C10orf67: variants seen among roughly 807,000 people sequenced by gnomAD.
C10orf67 encodes the protein chromosome 10 open reading frame 67.
C10orf67 carries 60 observed loss-of-function variants against 35.6 expected under a neutral mutation model. The ratio of observed to expected loss-of-function variants is 1.68; its 90% CI spans 1.37 to 2.09. C10orf67 has a LOEUF of 2.09. Ranked by LOEUF, C10orf67 falls within the 30% of genes most tolerant of loss-of-function variation. The pLI, the probability that C10orf67 is intolerant of heterozygous loss-of-function variation, is 0.00. For missense variants in C10orf67, 474 were observed against 330.2 expected (o/e 1.44, Z -3.38); for synonymous variants, 167 against 115.8 (o/e 1.44, Z -2.84).
chr10:23,301,184 A>G lies in C10orf67; in HGVS notation c.702+2120T>C, dbSNP rs59124894. ...GTGCACGCATGGGCGACTGTTGAGT[A>G]GAAACTTCTGGCTGTGCCATGATCT... On this transcript the variant is annotated intron_variant, in intron 5 of 15. Coordinates refer to ENST00000636213, the MANE Select transcript of C10orf67 (RefSeq NM_001371909.1). Among the ~76,000 whole-genome samples, 686 of 152,332 alleles carry G rather than the reference A, an allele frequency of 4.5e-3. 8 individuals are homozygous for G. The highest frequency in any genetic ancestry group is 0.016 in the African/African-American group (662 of 41,580).
At chr10:23,302,211 ATAT>A (rs1346927166) in intron 5 of C10orf67, among the ~76,000 whole-genome samples, 4 of 150,954 alleles carry the variant, frequency 2.6e-5, no homozygotes, top group African/African-American at 7.3e-5. Context: ...ATAATATATC[ATAT>A]TATAATATAT....
chr10:23,293,130 AAAG>A (rs558671540), intron 5 of C10orf67, among the ~76,000 whole-genome samples: 118 of 152,346 alleles, frequency 7.7e-4, no homozygotes, highest in African/African-American at 2.7e-3. Context: ...CTCATAAACT[AAAG>A]AAGAACTATT....
intron 4 of C10orf67, chr10:23,318,404 T>C (rs1003896095): frequency 2.0e-5 from 3 of 153,404 alleles, no homozygotes; most frequent in African/African-American, 4.8e-5. Context: ...TTTGTCAGCA[T>C]GGTAGCTCAA....
intron 8 of C10orf67, among the ~76,000 whole-genome samples, chr10:23,273,111 T>A (rs1294234377): frequency 6.6e-6 from 1 of 152,216 alleles, no homozygotes; most frequent in Non-Finnish European, 1.5e-5. Flanking sequence ...ATAGAGATGA[T>A]CATGTCGTCT....
intron 2 of C10orf67, among the ~76,000 whole-genome samples, chr10:23,322,922 C>T (rs1371549471): frequency 6.6e-6 from 1 of 151,838 alleles, no homozygotes; most frequent in Non-Finnish European, 1.5e-5. Flanking sequence ...GTAAAAATTC[C>T]AATTCATTCT....
Position 23,333,071 on chromosome 10 carries a change from C to A in C10orf67, c.318G>T (p.Lys106Asn). The A allele has an allele frequency of 6.2e-7, 1 of 1,612,038 alleles. No individual in the cohort carries two copies. Among genetic ancestry groups the A allele is most frequent in the Non-Finnish European group, 8.5e-7 (1 of 1,179,254 alleles). The change falls in exon 2 of 16, where the codon AAG (lysine) becomes AAT (asparagine). Residue 106 changes from lysine (K) to asparagine (N), a missense_variant. Transcript: ENST00000636213. ...ACAAATTCAGATTTACCTGTGCTAA[C>A]TTTTGCGTAGATGAACTCAATTCTT... ...SVKELSSSTQ[K>N]LAQMMKSLQV...
chr10:23,212,511 T>A (rs1291885100), intron 15 of C10orf67, among the ~76,000 whole-genome samples: 1 of 152,130 alleles, frequency 6.6e-6, no homozygotes, highest in African/African-American at 2.4e-5. Context: ...GAAGCTTTAA[T>A]GAAAGAAAGT....
intron 15 of C10orf67, among the ~76,000 whole-genome samples, chr10:23,207,804 T>C (rs1841196772): frequency 1.3e-5 from 2 of 152,218 alleles, no homozygotes; most frequent in Non-Finnish European, 2.9e-5. Flanking sequence ...TTCACTCTTC[T>C]GAGGCCAATT....
chr10:23,279,445 A>G (rs1346306289), intron 8 of C10orf67, among the ~76,000 whole-genome samples: 4 of 152,238 alleles, frequency 2.6e-5, no homozygotes, highest in African/African-American at 4.8e-5. Context: ...CTCGGAGGGA[A>G]CGCAGGTGTC....
chr10:23,236,304 G>A (rs899016875), intron 13 of C10orf67, among the ~76,000 whole-genome samples: 1 of 148,384 alleles, frequency 6.7e-6, no homozygotes, highest in Non-Finnish European at 1.5e-5. Context: ...GTGGTGGCGG[G>A]TGCCTGTAAT....
At chr10:23,259,905 G>T (rs899989030) in intron 10 of C10orf67, among the ~76,000 whole-genome samples, 28 of 152,106 alleles carry the variant, frequency 1.8e-4, no homozygotes, top group South Asian at 2.1e-4. Flanking sequence ...ACTTTAATGA[G>T]CTGAGCATGT....
At chr10:23,258,144 C>T (rs1842653518) in intron 10 of C10orf67, 1 of 152,808 alleles carries the variant, frequency 6.5e-6, no homozygotes, top group South Asian at 2.0e-4. Context: ...CATTGCCAAC[C>T]ATGGGCGAGC....
chr10:23,302,465 T>A (rs1477701050), intron 5 of C10orf67, among the ~76,000 whole-genome samples: 1 of 152,164 alleles, frequency 6.6e-6, no homozygotes, highest in Non-Finnish European at 1.5e-5. Context: ...ACTGTGAGAA[T>A]GAGAAGAGAT....
chr10:23,280,523 T>C (rs1186184964), intron 8 of C10orf67, among the ~76,000 whole-genome samples: 1 of 152,148 alleles, frequency 6.6e-6, no homozygotes. Flanking sequence ...AGGTATGCAA[T>C]GGAAACCTCC....
chr10:23,216,343 A>G (rs1841429325), intron 15 of C10orf67, among the ~76,000 whole-genome samples: 1 of 152,214 alleles, frequency 6.6e-6, no homozygotes, highest in African/African-American at 2.4e-5. Flanking sequence ...AGCAAAAATT[A>G]AAAATATGGC....
intron 4 of C10orf67, among the ~76,000 whole-genome samples, chr10:23,309,059 A>G (rs941457637): frequency 1.3e-5 from 2 of 151,892 alleles, no homozygotes; most frequent in African/African-American, 4.8e-5. Context: ...GGTTTATTTT[A>G]CTCTTAAAAA....
intron 5 of C10orf67, 119 bp from the exon 6 acceptor site, chr10:23,291,398 T>TA: frequency 1.7e-6 from 1 of 589,324 alleles, no homozygotes; most frequent in Non-Finnish European, 3.0e-6. Context: ...ATTACACACT[T>TA]ATAAGAATAG....
rs917810639 is a variant in C10orf67, at chr10:23,203,251, A to T, written c.*922T>A. The T allele has an allele frequency of 6.6e-5, 10 of 152,256 alleles. No homozygotes were observed. Among genetic ancestry groups the T allele is most frequent in the African/African-American group, 2.4e-4 (10 of 41,474 alleles). The allele number at this position is 152,256 out of a possible 1,614,324, so 9.4% of individuals were successfully genotyped here. On this transcript the variant is annotated 3_prime_UTR_variant, in exon 16 of 16. Coordinates refer to ENST00000636213, the MANE Select transcript of C10orf67 (RefSeq NM_001371909.1). Reference sequence around the variant, plus strand: ...AGATGAAGCTCGAATAACGCTCCACAGCGCTATACCATCCCATGTACTTGC... The same window carrying T: ...AGATGAAGCTCGAATAACGCTCCACTGCGCTATACCATCCCATGTACTTGC...
chr10:23,338,031 A>G lies in C10orf67; in HGVS notation c.207-4849T>C, dbSNP rs1055277620. Among the ~76,000 whole-genome samples, 11 of 152,346 alleles carry G rather than the reference A, an allele frequency of 7.2e-5. No individual in the cohort carries two copies. In the East Asian group the frequency reaches 1.9e-3, roughly 27 times the overall value. ...TAAACAGTTAACAAGATGGTCAGGAACTTGGAAGGAACAGATTGAGAGATG... is the reference window on the plus strand; with the variant it reads ...TAAACAGTTAACAAGATGGTCAGGAGCTTGGAAGGAACAGATTGAGAGATG... On this transcript the variant is annotated intron_variant, in intron 1 of 15. Transcript: ENST00000636213.
Sources: allele counts gnomAD v4.1 joint callset (sites outside exome capture counted in the v4.1 genomes callset), GRCh38; gene constraint gnomAD v4.1.1; transcripts MANE v1.5; gene names NCBI Gene and HGNC (gene_info 2026-07-23, HGNC 2026-07-21).